Variants in ERAP1 observed in about 807,000 individuals in gnomAD.
ERAP1 encodes the protein adipocyte-derived leucine aminopeptidase.
ERAP1 carries 86 observed loss-of-function variants against 103.7 expected under a neutral mutation model. That is an observed-to-expected ratio of 0.83 (90% CI 0.70 to 0.99). The LOEUF (loss-of-function observed/expected upper bound fraction) is 0.99, where lower values mean the gene tolerates loss of function less well. Among genes scored for constraint, ERAP1 ranks in the 50% least tolerant of loss-of-function variants. The pLI, the probability that ERAP1 is intolerant of heterozygous loss-of-function variation, is 0.00. For missense variants in ERAP1, 1,009 were observed against 1,128.4 expected (o/e 0.89, Z 1.52); for synonymous variants, 398 against 402.4 (o/e 0.99, Z 0.13).
chr5:96,891,520 C>G, the ERAP1 span, among the ~76,000 whole-genome samples: 2 of 29,636 alleles, frequency 6.7e-5, no homozygotes, highest in Non-Finnish European at 6.8e-5. Flanking sequence ...TATATATGCC[C>G]ATATACGGTA....
At chr5:96,826,877 A>G in the ERAP1 span, among the ~76,000 whole-genome samples, 2 of 152,232 alleles carry the variant, frequency 1.3e-5, no homozygotes, top group Non-Finnish European at 2.9e-5. Context: ...AACTATAGGG[A>G]AAACTATACT....
the ERAP1 span, chr5:96,912,648 A>G: frequency 1.2e-6 from 2 of 1,608,494 alleles, no homozygotes; most frequent in Non-Finnish European, 1.7e-6. Context: ...ATACCAACAG[A>G]TGTTTTAAAG....
chr5:96,909,463 G>C, the ERAP1 span: 1 of 799,480 alleles, frequency 1.3e-6, no homozygotes. Flanking sequence ...AAGATACACT[G>C]TTTGGGGAAA....
In ERAP1 at chr5:96,793,427, GACAGAC is replaced by G. The variant is rs1427478207; in HGVS notation, c.1155_1160del (p.Ser388_Val389del). ...CTTTCAGTTCAGGATGGGTCACACT[GACAGAC>G]ACAAACTCCATAAATTTGGCAAATC... On this transcript the variant is annotated inframe_deletion, in exon 7 of 19. Coordinates refer to ENST00000443439, the MANE Select transcript of ERAP1 (RefSeq NM_001040458.3). 6.2e-7 allele frequency: 1 copy of G among 1,613,668 alleles called. No homozygotes were observed. The highest frequency in any genetic ancestry group is 1.1e-5 in the South Asian group (1 of 91,072).
At chr5:96,835,976 G>T in the ERAP1 span, among the ~76,000 whole-genome samples, 14 of 152,196 alleles carry the variant, frequency 9.2e-5, no homozygotes, top group East Asian at 2.1e-3. Context: ...TGGGACCTCC[G>T]TTTCACCTTT....
the ERAP1 span, among the ~76,000 whole-genome samples, chr5:96,835,146 TTAAGA>T: frequency 3.9e-5 from 6 of 152,336 alleles, no homozygotes; most frequent in African/African-American, 1.4e-4. Flanking sequence ...TGTCTGTGGC[TTAAGA>T]TAAAATTATG....
the ERAP1 span, among the ~76,000 whole-genome samples, chr5:96,872,339 A>C: frequency 6.7e-6 from 1 of 149,886 alleles, no homozygotes; most frequent in African/African-American, 2.4e-5. Flanking sequence ...CTGTCTCAAA[A>C]AAAAAAAAAA....
the ERAP1 span, chr5:96,886,743 T>C: frequency 1.3e-6 from 2 of 1,533,636 alleles, no homozygotes; most frequent in Non-Finnish European, 1.8e-6. Flanking sequence ...GCCTACATAG[T>C]TTGTGATTTC....
In ERAP1 at chr5:96,793,809, A is replaced by T. The variant is rs27434; in HGVS notation, c.1068T>A (p.Ala356=). The change falls in exon 6 of 19, where the codon GCT becomes GCA. Residue 356 remains alanine, a synonymous_variant. Transcript: ENST00000443439. Reference sequence around the variant, plus strand: ...AGTGTGAATGAGCTTATACCTGGTGAGCCAGTTCATGGGCCACAGTCATTG... The same window carrying T: ...AGTGTGAATGAGCTTATACCTGGTGTGCCAGTTCATGGGCCACAGTCATTG... ...GITMTVAHEL[A]HQWFGNLVTM... is the part of the protein sequence containing the mutation. 5 of 1,612,706 alleles carry T rather than the reference A, an allele frequency of 3.1e-6. No homozygotes were observed. The South Asian group carries it at 5.5e-5, about 18-fold the overall frequency.
intron 2 of ERAP1, among the ~76,000 whole-genome samples, chr5:96,801,460 G>T (rs1418387717): frequency 2.1e-5 from 2 of 94,484 alleles, no homozygotes; most frequent in Admixed American, 2.2e-4. Flanking sequence ...CCTGTCTCGG[G>T]AAGAAAAAAA....
chr5:96,868,703 G>A, the ERAP1 span, among the ~76,000 whole-genome samples: 3 of 150,154 alleles, frequency 2.0e-5, no homozygotes, highest in Admixed American at 6.6e-5. Context: ...ACGTCACCCC[G>A]AGTTTCCAAT....
chr5:96,890,662 T>C, the ERAP1 span, among the ~76,000 whole-genome samples: 1 of 152,218 alleles, frequency 6.6e-6, no homozygotes, highest in Admixed American at 6.5e-5. Flanking sequence ...CTCCAATGCA[T>C]TTTCCTTACA....
chr5:96,906,360 G>C, the ERAP1 span, among the ~76,000 whole-genome samples: 1 of 152,058 alleles, frequency 6.6e-6, no homozygotes, highest in Non-Finnish European at 1.5e-5. Context: ...TCAACCTCCT[G>C]GGCTCAAGCG....
At chr5:96,886,482 A>C in the ERAP1 span, among the ~76,000 whole-genome samples, 1 of 151,700 alleles carries the variant, frequency 6.6e-6, no homozygotes. Context: ...GGGTAAAAGC[A>C]ATGGAGGTAA....
chr5:96,781,920 GACTA>G (rs149958925), intron 15 of ERAP1, 66 bp from the exon 16 acceptor site: 27 of 1,474,124 alleles, frequency 1.8e-5, no homozygotes, highest in African/African-American at 2.8e-5. Flanking sequence ...GCATAATGGT[GACTA>G]ACTATGAACT....
At chr5:96,889,921 A>G in the ERAP1 span, among the ~76,000 whole-genome samples, 1 of 152,124 alleles carries the variant, frequency 6.6e-6, no homozygotes, top group Non-Finnish European at 1.5e-5. Flanking sequence ...TTATTTGTAC[A>G]AGGTCAGCAA....
At chr5:96,826,762 C>G in the ERAP1 span, among the ~76,000 whole-genome samples, 2 of 152,236 alleles carry the variant, frequency 1.3e-5, no homozygotes, top group South Asian at 4.1e-4. Flanking sequence ...CTGCCTTGAA[C>G]GTTATGGTTT....
At chr5:96,767,559 TA>T in intron 19 of ERAP1, 1 of 1,048,944 alleles carries the variant, frequency 9.5e-7, no homozygotes, top group Non-Finnish European at 1.5e-6. Context: ...TTTAGAAAAC[TA>T]AAACATATTG....
chr5:96,885,158 T>A, the ERAP1 span, among the ~76,000 whole-genome samples: 1,795 of 152,294 alleles, frequency 0.012, 24 homozygotes, highest in Non-Finnish European at 0.019. Flanking sequence ...ACCAGCCTTC[T>A]AGTAGCCCAG....
Sources: allele counts gnomAD v4.1 joint callset (sites outside exome capture counted in the v4.1 genomes callset), GRCh38; gene constraint gnomAD v4.1.1; transcripts MANE v1.5; gene names NCBI Gene and HGNC (gene_info 2026-07-23, HGNC 2026-07-21).